Variants in RAP1GDS1 observed in about 807,000 individuals in gnomAD.
RAP1GDS1 encodes the protein Rap1 GTPase-GDP dissociation stimulator 1.
Under a neutral mutation model 71.1 loss-of-function variants are expected in RAP1GDS1, and 35 were observed. The observed-to-expected ratio is 0.49, with a 90% CI of 0.38 to 0.65. The LOEUF is 0.65. RAP1GDS1 is among the 30% of genes least tolerant of loss of function. The probability of loss-of-function intolerance (pLI) is 0.00; values close to 1 mark genes in which losing one functional copy is unlikely to be tolerated. For synonymous variants in RAP1GDS1, 229 were observed against 243.1 expected, an observed-to-expected ratio of 0.94 and a Z score of 0.54; for missense variants, 663 against 706.1, an observed-to-expected ratio of 0.94 and a Z score of 0.69.
chr4:98,267,707 A>G (rs1722892049), intron 1 of RAP1GDS1, among the ~76,000 whole-genome samples: 1 of 152,190 alleles, frequency 6.6e-6, no homozygotes, highest in South Asian at 2.1e-4. Flanking sequence ...ATAGTATTCC[A>G]TGGTATATAT....
intron 4 of RAP1GDS1, among the ~76,000 whole-genome samples, chr4:98,375,559 G>T (rs1741048628): frequency 6.6e-6 from 1 of 152,132 alleles, no homozygotes; most frequent in South Asian, 2.1e-4. Flanking sequence ...GCCAGGCTAA[G>T]AATACACTAA....
chr4:98,396,522 G>A (rs992409042), intron 6 of RAP1GDS1: 32 of 152,318 alleles, frequency 2.1e-4, no homozygotes, highest in African/African-American at 7.2e-4. Context: ...CCCAGTCTAT[G>A]TTAAAAGATA....
At chr4:98,275,804 G>A (rs1339928922) in intron 1 of RAP1GDS1, among the ~76,000 whole-genome samples, 4 of 151,998 alleles carry the variant, frequency 2.6e-5, no homozygotes, top group Non-Finnish European at 5.9e-5. Flanking sequence ...ATATCATTGG[G>A]TTCCCTAAGT....
At chr4:98,336,513 G>A (rs1734740037) in intron 2 of RAP1GDS1, among the ~76,000 whole-genome samples, 2 of 152,154 alleles carry the variant, frequency 1.3e-5, no homozygotes, top group African/African-American at 2.4e-5. Context: ...TATAAAATGA[G>A]TCTCACAACT....
Position 98,372,249 on chromosome 4 carries a change from G to A in RAP1GDS1, c.362-6768G>A, listed in dbSNP as rs143809698. Reference sequence around the variant, plus strand: ...GCGATCTCGGCTCACTGCAACCTCCGCCTCCTAGGTTCAAGCAATTCTTCT... The same window carrying A: ...GCGATCTCGGCTCACTGCAACCTCCACCTCCTAGGTTCAAGCAATTCTTCT... On this transcript the variant is annotated intron_variant, in intron 4 of 14. Coordinates refer to ENST00000408927, the MANE Select transcript of RAP1GDS1 (RefSeq NM_001100427.2). 3.7e-3 allele frequency among the ~76,000 whole-genome samples: 561 copies of A among 152,118 alleles called. 3 individuals carry two copies. The highest frequency in any genetic ancestry group is 0.012 in the African/African-American group (516 of 41,490).
intron 7 of RAP1GDS1, among the ~76,000 whole-genome samples, chr4:98,416,540 C>T (rs568475049): frequency 6.0e-5 from 9 of 150,944 alleles, no homozygotes; most frequent in South Asian, 2.1e-4. Context: ...TTAGTAGAGA[C>T]GGGGTTTCAT....
At chr4:98,318,469 A>C (rs1306811292) in intron 2 of RAP1GDS1, among the ~76,000 whole-genome samples, 1 of 152,250 alleles carries the variant, frequency 6.6e-6, no homozygotes, top group Non-Finnish European at 1.5e-5. Context: ...AGTTACGTGA[A>C]TGTGTACTCG....
chr4:98,292,593 T>A (rs1267983800), intron 1 of RAP1GDS1, among the ~76,000 whole-genome samples: 1 of 152,144 alleles, frequency 6.6e-6, no homozygotes, highest in African/African-American at 2.4e-5. Flanking sequence ...AATGCTATTC[T>A]TCTTGCTAAA....
At chr4:98,403,505 A>C (rs375188279) in intron 6 of RAP1GDS1, among the ~76,000 whole-genome samples, 88 of 152,202 alleles carry the variant, frequency 5.8e-4, no homozygotes, top group Middle Eastern at 3.4e-3. Context: ...AAGATTTCAC[A>C]GTATGTCAAA....
intron 1 of RAP1GDS1, 22 bp from the exon 2 acceptor site, chr4:98,293,386 A>ATT (rs377400040): frequency 5.3e-5 from 62 of 1,170,046 alleles, no homozygotes; most frequent in South Asian, 9.8e-5. Flanking sequence ...TGAGTTTCTG[A>ATT]TTTTTTTTTT....
At chr4:98,343,091 T>C (rs372481038) in intron 2 of RAP1GDS1, 48 bp from the exon 3 acceptor site, 4 of 1,536,634 alleles carry the variant, frequency 2.6e-6, no homozygotes, top group Non-Finnish European at 3.5e-6. Context: ...GTTGTCAGTG[T>C]TAGCATTAAA....
intron 2 of RAP1GDS1, among the ~76,000 whole-genome samples, chr4:98,294,531 A>G (rs1727436981): frequency 3.3e-5 from 5 of 152,124 alleles, no homozygotes; most frequent in Admixed American, 2.6e-4. Flanking sequence ...ATTTGAAACA[A>G]GGAGTTCAAT....
chr4:98,435,319 G>A (rs147161401), intron 13 of RAP1GDS1, among the ~76,000 whole-genome samples: 1 of 152,114 alleles, frequency 6.6e-6, no homozygotes, highest in South Asian at 2.1e-4. Flanking sequence ...TAGGATATCT[G>A]TCTCCTTGAA....
chr4:98,291,866 G>A (rs1726990120), intron 1 of RAP1GDS1, among the ~76,000 whole-genome samples: 1 of 152,128 alleles, frequency 6.6e-6, no homozygotes, highest in Admixed American at 6.6e-5. Context: ...GAAAATGGAA[G>A]CTTTCATATT....
intron 5 of RAP1GDS1, among the ~76,000 whole-genome samples, chr4:98,388,971 T>A (rs1261956943): frequency 6.6e-6 from 1 of 152,130 alleles, no homozygotes; most frequent in Non-Finnish European, 1.5e-5. Context: ...ATGAAAAATA[T>A]TTTCCCAAAA....
chr4:98,382,660 G>T (rs1326715214), intron 5 of RAP1GDS1, among the ~76,000 whole-genome samples: 2 of 151,584 alleles, frequency 1.3e-5, no homozygotes, highest in Non-Finnish European at 3.0e-5. Flanking sequence ...ATTTTGTTCA[G>T]TCATCCAGCT....
chr4:98,338,577 C>T (rs913825686), intron 2 of RAP1GDS1, among the ~76,000 whole-genome samples: 5 of 152,122 alleles, frequency 3.3e-5, no homozygotes, highest in Non-Finnish European at 5.9e-5. Context: ...CAAGTCTGAG[C>T]CTTCAGTGAA....
At chr4:98,314,381 T>TATC (rs1270033407) in intron 2 of RAP1GDS1, among the ~76,000 whole-genome samples, 1 of 152,218 alleles carries the variant, frequency 6.6e-6, no homozygotes, top group African/African-American at 2.4e-5. Context: ...GAGAGAATCT[T>TATC]ATCAAGATTC....
intron 12 of RAP1GDS1, among the ~76,000 whole-genome samples, chr4:98,427,791 G>C (rs1300392157): frequency 6.6e-6 from 1 of 152,100 alleles, no homozygotes; most frequent in East Asian, 1.9e-4. Context: ...ACTGCCAAAA[G>C]CAATCTACAA....
Sources: allele counts gnomAD v4.1 joint callset (sites outside exome capture counted in the v4.1 genomes callset), GRCh38; gene constraint gnomAD v4.1.1; transcripts MANE v1.5; gene names NCBI Gene and HGNC (gene_info 2026-07-23, HGNC 2026-07-21).